TEC: variants seen among roughly 807,000 people sequenced by gnomAD.
TEC encodes tec protein tyrosine kinase.
In TEC, 72 loss-of-function variants were observed where a neutral mutation model predicts 93.0. The ratio of observed to expected loss-of-function variants is 0.77; its 90% CI spans 0.64 to 0.94. TEC has a LOEUF of 0.94. TEC is among the 40% of genes least tolerant of loss of function. The pLI, the probability that TEC is intolerant of heterozygous loss-of-function variation, is 0.00. For missense variants in TEC, 630 were observed against 757.9 expected (o/e 0.83, Z 1.98); for synonymous variants, 249 against 247.7 (o/e 1.01, Z -0.05).
chr4:48,245,359 G>A (rs1167839847), intron 1 of TEC, among the ~76,000 whole-genome samples: 1 of 150,510 alleles, frequency 6.6e-6, no homozygotes, highest in African/African-American at 2.4e-5. Flanking sequence ...TTAAAATTAT[G>A]AGTTTTCCAA....
intron 2 of TEC, among the ~76,000 whole-genome samples, chr4:48,178,586 C>T (rs1721428304): frequency 6.6e-6 from 1 of 152,072 alleles, no homozygotes; most frequent in African/African-American, 2.4e-5. Context: ...GTACATTACC[C>T]AAAGCCAGCT....
chr4:48,202,620 A>G (rs536926796), intron 2 of TEC, among the ~76,000 whole-genome samples: 24 of 152,310 alleles, frequency 1.6e-4, no homozygotes, highest in African/African-American at 5.8e-4. Context: ...CTTTTCTTCA[A>G]GGCTTACCAT....
intron 2 of TEC, among the ~76,000 whole-genome samples, chr4:48,216,586 G>T (rs568240163): frequency 6.6e-6 from 1 of 152,014 alleles, no homozygotes; most frequent in South Asian, 2.1e-4. Context: ...GGAGAAGAGG[G>T]GTGGGTAGAA....
At chr4:48,216,229 A>G (rs1015149398) in intron 2 of TEC, among the ~76,000 whole-genome samples, 6 of 144,288 alleles carry the variant, frequency 4.2e-5, no homozygotes, top group Non-Finnish European at 7.5e-5. Flanking sequence ...GCCTTCCCCA[A>G]TCTCTACGCC....
At chr4:48,266,713 C>T (rs937297255) in intron 1 of TEC, among the ~76,000 whole-genome samples, 1 of 152,066 alleles carries the variant, frequency 6.6e-6, no homozygotes, top group Non-Finnish European at 1.5e-5. Context: ...TGGCACATGC[C>T]TGTAATCCCA....
intron 2 of TEC, among the ~76,000 whole-genome samples, chr4:48,217,956 G>GAA (rs35176630): frequency 5.0e-4 from 67 of 134,428 alleles, no homozygotes; most frequent in African/African-American, 1.2e-3. Context: ...GCTTCCTAGA[G>GAA]AAAAAAAAAA....
At chr4:48,171,660 G>A (rs1386634345) in intron 3 of TEC, among the ~76,000 whole-genome samples, 1 of 152,104 alleles carries the variant, frequency 6.6e-6, no homozygotes, top group Non-Finnish European at 1.5e-5. Flanking sequence ...TTTTGCAAAA[G>A]ACCATGTTTT....
At chr4:48,179,362 ATATATATATATATATTTTTTTTTTT>A (rs1402512128) in intron 2 of TEC, among the ~76,000 whole-genome samples, 2 of 39,444 alleles carry the variant, frequency 5.1e-5, no homozygotes, top group Non-Finnish European at 1.0e-4. Flanking sequence ...ATATATATAT[ATATATATATATATATTTTTTTTTTT>A]TTTTTTTTTT....
chr4:48,237,623 TA>T (rs1197244734), intron 1 of TEC, among the ~76,000 whole-genome samples: 2 of 152,190 alleles, frequency 1.3e-5, no homozygotes, highest in African/African-American at 4.8e-5. Flanking sequence ...CTCATCTTAT[TA>T]GGTTAAGTCA....
intron 11 of TEC, among the ~76,000 whole-genome samples, chr4:48,148,780 G>C (rs1720025532): frequency 6.6e-6 from 1 of 152,116 alleles, no homozygotes; most frequent in Non-Finnish European, 1.5e-5. Context: ...CAGGTATTAA[G>C]CCTAGTACCC....
At chr4:48,259,715 C>CAAA (rs5858111) in intron 1 of TEC, among the ~76,000 whole-genome samples, 2 of 117,870 alleles carry the variant, frequency 1.7e-5, no homozygotes, top group Non-Finnish European at 3.5e-5. Flanking sequence ...GACTTTGTCT[C>CAAA]AAAAAAAAAA....
chr4:48,139,362 C>T (rs1577690817), intron 15 of TEC, among the ~76,000 whole-genome samples: 1 of 151,896 alleles, frequency 6.6e-6, no homozygotes, highest in Admixed American at 6.6e-5. Context: ...AAAATTTTAC[C>T]CAAAGGCCCC....
intron 1 of TEC, among the ~76,000 whole-genome samples, chr4:48,255,768 C>T (rs1724324884): frequency 6.6e-6 from 1 of 152,126 alleles, no homozygotes; most frequent in Non-Finnish European, 1.5e-5. Flanking sequence ...AATTGCTAAG[C>T]ACAATGCTTG....
intron 2 of TEC, among the ~76,000 whole-genome samples, chr4:48,224,499 C>T (rs915901960): frequency 9.2e-5 from 14 of 152,176 alleles, no homozygotes; most frequent in Admixed American, 5.9e-4. Flanking sequence ...CATTTAGCCC[C>T]GTGACTAGAA....
At chr4:48,188,947 A>C (rs1353088674) in intron 2 of TEC, among the ~76,000 whole-genome samples, 1 of 152,220 alleles carries the variant, frequency 6.6e-6, no homozygotes, top group Non-Finnish European at 1.5e-5. Flanking sequence ...GATCAGTTAA[A>C]TATCTCAAGC....
intron 12 of TEC, among the ~76,000 whole-genome samples, chr4:48,145,890 T>C (rs1719887358): frequency 6.6e-6 from 1 of 152,106 alleles, no homozygotes; most frequent in African/African-American, 2.4e-5. Context: ...CACTCTTCCT[T>C]CTCAGGTTTT....
At chr4:48,143,223 G>A (rs1289633686) in intron 14 of TEC, among the ~76,000 whole-genome samples, 1 of 152,170 alleles carries the variant, frequency 6.6e-6, no homozygotes, top group African/African-American at 2.4e-5. Context: ...TCTTTACCAA[G>A]GAGACAAGAG....
intron 2 of TEC, among the ~76,000 whole-genome samples, chr4:48,199,248 A>C (rs192821633): frequency 6.6e-6 from 1 of 152,082 alleles, no homozygotes; most frequent in Non-Finnish European, 1.5e-5. Flanking sequence ...AATGATTCCA[A>C]ATTTACTTCT....
At chr4:48,252,226 A>G (rs10014883) in intron 1 of TEC, among the ~76,000 whole-genome samples, 64,669 of 152,016 alleles carry the variant, frequency 0.43, 13,970 homozygotes, top group Middle Eastern at 0.52. Flanking sequence ...AAATATACAT[A>G]AAGTGCTTAG....
Sources: gnomAD v4.1 joint callset for allele counts (sites outside exome capture counted in the v4.1 genomes callset) on GRCh38, gnomAD v4.1.1 for gene constraint, MANE v1.5 for transcripts, NCBI Gene and HGNC (gene_info 2026-07-23, HGNC 2026-07-21) for gene names.